The following NTN4 variants were observed in gnomAD, a reference collection of about 807,000 sequenced individuals.
NTN4 encodes the protein netrin 4.
NTN4 carries 32 observed loss-of-function variants against 73.6 expected under a neutral mutation model. The observed-to-expected ratio is 0.44, with a 90% CI of 0.33 to 0.58. The LOEUF is 0.58. Ranked by LOEUF, NTN4 falls within the 20% of genes least tolerant of loss-of-function variation. The pLI is 0.04. For synonymous variants in NTN4, 258 were observed against 287.5 expected, an observed-to-expected ratio of 0.90 and a Z score of 1.04; for missense variants, 654 against 798.3, an observed-to-expected ratio of 0.82 and a Z score of 2.18.
intron 3 of NTN4, among the ~76,000 whole-genome samples, chr12:95,735,441 G>A (rs1592693801): frequency 6.6e-6 from 1 of 152,040 alleles, no homozygotes; most frequent in Admixed American, 6.6e-5. Context: ...TGCACAAATT[G>A]AAATCAGTAT....
rs1304102068 is a variant in NTN4 at position 95,658,544 on chromosome 12, TCACAA to T, written c.*537_*541del. On this transcript the variant is annotated 3_prime_UTR_variant, in exon 10 of 10. Transcript: ENST00000343702. ...TCTTTCAACAGCAGTCACCAAACGT[TCACAA>T]CACAAGTGGTAGGTAGTAAAGTGCT... 1.3e-5 allele frequency: 2 copies of T among 152,680 alleles called. No homozygotes were observed. The highest frequency in any genetic ancestry group is 3.8e-4 in the East Asian group (2 of 5,200). The allele number at this position is 152,680 out of a possible 1,614,324, so 9.5% of individuals were successfully genotyped here.
chr12:95,670,793 G>GA (rs1176132686), intron 7 of NTN4, among the ~76,000 whole-genome samples: 2 of 149,264 alleles, frequency 1.3e-5, no homozygotes, highest in East Asian at 3.9e-4. Context: ...GGGAAGATGG[G>GA]AAAAAACTTC....
intron 2 of NTN4, 38 bp from the exon 3 acceptor site, chr12:95,738,182 T>G: frequency 1.3e-6 from 2 of 1,568,346 alleles, no homozygotes; most frequent in Non-Finnish European, 1.7e-6. Flanking sequence ...TTTATAGGAC[T>G]GTGCGCAAAC....
chr12:95,681,538 T>C (rs2078316050), intron 7 of NTN4, among the ~76,000 whole-genome samples: 1 of 152,198 alleles, frequency 6.6e-6, no homozygotes, highest in Non-Finnish European at 1.5e-5. Flanking sequence ...ATTTGGAGCA[T>C]TTGGTGAGCA....
At chr12:95,689,275 T>C (rs1284901714) in intron 5 of NTN4, among the ~76,000 whole-genome samples, 2 of 152,216 alleles carry the variant, frequency 1.3e-5, no homozygotes, top group African/African-American at 2.4e-5. Flanking sequence ...GCATTTGTAG[T>C]TTCCAAAATG....
At chr12:95,671,673 G>T (rs964835417) in intron 7 of NTN4, among the ~76,000 whole-genome samples, 6 of 152,000 alleles carry the variant, frequency 3.9e-5, no homozygotes, top group Non-Finnish European at 5.9e-5. Context: ...CCGCTCCCTG[G>T]TGCCCAAAAG....
At chr12:95,703,261 GC>G (rs2078499778) in intron 5 of NTN4, among the ~76,000 whole-genome samples, 1 of 152,176 alleles carries the variant, frequency 6.6e-6, no homozygotes, top group African/African-American at 2.4e-5. Context: ...GATTGCCCAA[GC>G]CTAGTTAATA....
rs56063223 is a variant in NTN4 at position 95,700,080 on chromosome 12, A to ATTTTTTTTTTTTTTTTTTTTTTTTTTTTT, written c.1180+10332_1180+10360dup. ...AACAGTGTATTCTTCTAAAGTGAGG[A>ATTTTTTTTTTTTTTTTTTTTTTTTTTTTT]TTTTTTTTTTTTTTTTTTTTTTTTT... On this transcript the variant is annotated intron_variant, in intron 5 of 9. Transcript: ENST00000343702. 7.2e-5 allele frequency among the ~76,000 whole-genome samples: 3 copies of ATTTTTTTTTTTTTTTTTTTTTTTTTTTTT among 41,822 alleles called. 1 individual carries two copies. Among genetic ancestry groups the ATTTTTTTTTTTTTTTTTTTTTTTTTTTTT allele is most frequent in the Non-Finnish European group, 1.3e-4 (3 of 23,310 alleles). 27.4% of individuals were successfully genotyped at this position (41,822 alleles called of 152,430 possible).
intron 2 of NTN4, among the ~76,000 whole-genome samples, chr12:95,744,033 T>C (rs576884400): frequency 6.6e-6 from 1 of 152,096 alleles, no homozygotes; most frequent in South Asian, 2.1e-4. Context: ...TCCCAGGTAG[T>C]TGGGATTACA....
intron 2 of NTN4, among the ~76,000 whole-genome samples, chr12:95,778,075 G>A (rs555962630): frequency 1.4e-3 from 210 of 152,216 alleles, no homozygotes; most frequent in African/African-American, 4.8e-3. Flanking sequence ...GGTACATAAC[G>A]AAATGAAGGC....
At chr12:95,710,684 T>C in intron 4 of NTN4, 55 bp from the exon 5 acceptor site, 2 of 1,517,032 alleles carry the variant, frequency 1.3e-6, no homozygotes, top group Admixed American at 1.8e-5. Context: ...AAATGATGGG[T>C]TATCTCATAT....
At chr12:95,691,396 GTTGT>G (rs1396189556) in intron 5 of NTN4, among the ~76,000 whole-genome samples, 5 of 152,124 alleles carry the variant, frequency 3.3e-5, no homozygotes, top group Non-Finnish European at 5.9e-5. Flanking sequence ...TGTCTTTGTT[GTTGT>G]TTGTTTGTTT....
intron 2 of NTN4, among the ~76,000 whole-genome samples, chr12:95,749,159 C>T (rs1162572663): frequency 6.6e-6 from 1 of 152,184 alleles, no homozygotes; most frequent in Non-Finnish European, 1.5e-5. Flanking sequence ...ATAAAACGGC[C>T]CCACCCCTAT....
rs140835787 is a variant in NTN4 at position 95,737,358 on chromosome 12, T to A, written c.864+508A>T. 4.0e-3 allele frequency among the ~76,000 whole-genome samples: 604 copies of A among 152,200 alleles called. 6 individuals are homozygous for A. Among genetic ancestry groups the A allele is most frequent in the African/African-American group, 0.014 (576 of 41,528 alleles). ...AAAATTCAGAGGAAAGCCCAGGAGATGTGTGAACCTAGAGGAAAGAGAGTT... is the reference window on the plus strand; with the variant it reads ...AAAATTCAGAGGAAAGCCCAGGAGAAGTGTGAACCTAGAGGAAAGAGAGTT... On this transcript the variant is annotated intron_variant, in intron 3 of 9. Transcript: ENST00000343702.
At chr12:95,712,965 T>C (rs2078576147) in intron 4 of NTN4, among the ~76,000 whole-genome samples, 1 of 151,892 alleles carries the variant, frequency 6.6e-6, no homozygotes, top group Non-Finnish European at 1.5e-5. Context: ...AAAGAGTTCT[T>C]AGCTCCCACA....
At chr12:95,663,204 A>G (rs975720484) in intron 9 of NTN4, among the ~76,000 whole-genome samples, 1 of 152,220 alleles carries the variant, frequency 6.6e-6, no homozygotes, top group Admixed American at 6.5e-5. Flanking sequence ...CTACAAATAG[A>G]ATAAACAGGA....
At chr12:95,761,857 T>C (rs1382190437) in intron 2 of NTN4, among the ~76,000 whole-genome samples, 1 of 152,174 alleles carries the variant, frequency 6.6e-6, no homozygotes, top group Admixed American at 6.5e-5. Flanking sequence ...AAGATAACTC[T>C]TCAGCTGTAA....
chr12:95,743,535 G>A (rs976442557), intron 2 of NTN4, among the ~76,000 whole-genome samples: 4 of 152,022 alleles, frequency 2.6e-5, no homozygotes, highest in South Asian at 2.1e-4. Flanking sequence ...AGTTTGATAC[G>A]CTGTGTTTTC....
At chr12:95,759,340 T>A (rs2078968606) in intron 2 of NTN4, among the ~76,000 whole-genome samples, 1 of 152,212 alleles carries the variant, frequency 6.6e-6, no homozygotes, top group Admixed American at 6.5e-5. Context: ...GTTAGACCAC[T>A]TAACATTGTC....
Sources: allele counts gnomAD v4.1 joint callset (sites outside exome capture counted in the v4.1 genomes callset), GRCh38; gene constraint gnomAD v4.1.1; transcripts MANE v1.5; gene names NCBI Gene and HGNC (gene_info 2026-07-23, HGNC 2026-07-21).